Variants in VPS41 observed in about 807,000 individuals in gnomAD.
VPS41 encodes VPS41 subunit of HOPS complex, also known as vacuolar protein sorting-associated protein 41 homolog.
In VPS41, 85 loss-of-function variants were observed where a neutral mutation model predicts 130.9. The observed-to-expected ratio is 0.65, with a 90% CI of 0.55 to 0.78. The LOEUF (loss-of-function observed/expected upper bound fraction) is 0.78, where lower values mean the gene tolerates loss of function less well. VPS41 is among the 30% of genes least tolerant of loss of function. The pLI is 0.00. For synonymous variants in VPS41, 335 were observed against 332.9 expected, an observed-to-expected ratio of 1.01 and a Z score of -0.07; for missense variants, 874 against 1,018.7, an observed-to-expected ratio of 0.86 and a Z score of 1.93.
At chr7:38,874,089 C>A (rs1279446536) in intron 2 of VPS41, among the ~76,000 whole-genome samples, 1 of 152,058 alleles carries the variant, frequency 6.6e-6, no homozygotes, top group Non-Finnish European at 1.5e-5. Flanking sequence ...GTGTTTACAA[C>A]CAAAAATAAT....
chr7:38,792,848 TCCA>T (rs1250118933), intron 9 of VPS41, among the ~76,000 whole-genome samples: 1 of 151,582 alleles, frequency 6.6e-6, no homozygotes, highest in African/African-American at 2.4e-5. Context: ...ATCCCTCTCC[TCCA>T]CATCTGCTCC....
At chr7:38,903,652 G>A (rs1238789053) in intron 1 of VPS41, among the ~76,000 whole-genome samples, 1 of 152,186 alleles carries the variant, frequency 6.6e-6, no homozygotes, top group Non-Finnish European at 1.5e-5. Context: ...TGAGCATAAT[G>A]AGAAAGAGAG....
intron 14 of VPS41, among the ~76,000 whole-genome samples, chr7:38,769,814 A>C (rs1784119356): frequency 6.6e-6 from 1 of 152,180 alleles, no homozygotes; most frequent in African/African-American, 2.4e-5. Flanking sequence ...ATTGATCTCC[A>C]TCTCAGCTGG....
At chr7:38,860,208 G>A (rs1786075883) in intron 4 of VPS41, among the ~76,000 whole-genome samples, 1 of 152,164 alleles carries the variant, frequency 6.6e-6, no homozygotes, top group Non-Finnish European at 1.5e-5. Flanking sequence ...TTGAGTAGCA[G>A]AAAGGGGTTG....
chr7:38,895,320 TA>T (rs953323300), intron 2 of VPS41, among the ~76,000 whole-genome samples: 13 of 150,576 alleles, frequency 8.6e-5, no homozygotes, highest in South Asian at 6.3e-4. Context: ...AGACTTTGTC[TA>T]AAAAAAAATA....
chr7:38,811,993 CA>C (rs1350954857), intron 7 of VPS41, among the ~76,000 whole-genome samples: 1 of 151,988 alleles, frequency 6.6e-6, no homozygotes, highest in Non-Finnish European at 1.5e-5. Context: ...GTTCTGACTA[CA>C]ATTAAGGTAG....
chr7:38,854,708 T>C (rs1785940279), intron 4 of VPS41, among the ~76,000 whole-genome samples: 1 of 152,220 alleles, frequency 6.6e-6, no homozygotes, highest in African/African-American at 2.4e-5. Flanking sequence ...TTCTTATTTC[T>C]ATCAGTTCAC....
At chr7:38,832,319 C>CTTTTTTTTTTTTTTT (rs543207806) in intron 4 of VPS41, among the ~76,000 whole-genome samples, 15 of 114,732 alleles carry the variant, frequency 1.3e-4, no homozygotes, top group Non-Finnish European at 1.9e-4. Flanking sequence ...TTCTTTCTTT[C>CTTTTTTTTTTTTTTT]TTTTTTTTTT....
At chr7:38,904,250 C>T (rs1156753358) in intron 1 of VPS41, among the ~76,000 whole-genome samples, 1 of 152,152 alleles carries the variant, frequency 6.6e-6, no homozygotes, top group African/African-American at 2.4e-5. Flanking sequence ...AATGTGGGCG[C>T]GGCGGAGGCT....
At chr7:38,835,267 CTTAA>C (rs1458767739) in intron 4 of VPS41, among the ~76,000 whole-genome samples, 2 of 151,568 alleles carry the variant, frequency 1.3e-5, no homozygotes, top group East Asian at 3.9e-4. Flanking sequence ...ACTATTATTC[CTTAA>C]TTTTTTCCCT....
chr7:38,761,135 TC>T (rs1783902380), intron 17 of VPS41, among the ~76,000 whole-genome samples: 1 of 151,980 alleles, frequency 6.6e-6, no homozygotes, highest in South Asian at 2.1e-4. Flanking sequence ...CAAGTTTCTT[TC>T]TTTTCTTCCT....
intron 2 of VPS41, among the ~76,000 whole-genome samples, chr7:38,872,467 G>A (rs568967981): frequency 2.9e-4 from 44 of 152,308 alleles, no homozygotes; most frequent in African/African-American, 9.4e-4. Flanking sequence ...AGGCTATTTC[G>A]TGTCTACTGA....
At chr7:38,834,581 G>A (rs1461295805) in intron 4 of VPS41, among the ~76,000 whole-genome samples, 1 of 152,142 alleles carries the variant, frequency 6.6e-6, no homozygotes, top group South Asian at 2.1e-4. Context: ...ATTAGGAAGA[G>A]TCACATGGTT....
chr7:38,863,761 C>T (rs921083116), intron 3 of VPS41, among the ~76,000 whole-genome samples: 9 of 152,108 alleles, frequency 5.9e-5, no homozygotes, highest in South Asian at 2.1e-4. Flanking sequence ...CTAGGTATGA[C>T]GATTCCGCTG....
chr7:38,723,430 G>T lies in VPS41; in HGVS notation c.*2816C>A, dbSNP rs1175066296. The T allele has an allele frequency of 6.6e-6, 1 of 152,094 alleles. No individual in the cohort carries two copies. Among genetic ancestry groups the T allele is most frequent in the Non-Finnish European group, 1.5e-5 (1 of 68,014 alleles). The allele number at this position is 152,094 out of a possible 1,614,324, so 9.4% of individuals were successfully genotyped here. A position where few individuals can be genotyped will look rare whatever the true frequency, so the allele number is the denominator to read the frequency against. On this transcript the variant is annotated 3_prime_UTR_variant, in exon 29 of 29. Coordinates refer to ENST00000310301, the MANE Select transcript of VPS41 (RefSeq NM_014396.4). The stretch of plus-strand genomic sequence containing the variant: ...TGCACCTGGCTGTTTTACACTTCAA[G>T]AATAGCTTTCTTGGCTGGGCATGGT...
chr7:38,907,145 A>G (rs1344321018), intron 1 of VPS41, among the ~76,000 whole-genome samples: 1 of 152,200 alleles, frequency 6.6e-6, no homozygotes, highest in African/African-American at 2.4e-5. Context: ...GGGAAAAATA[A>G]TGCAGGAAGG....
chr7:38,795,477 C>T lies in VPS41; in HGVS notation c.705G>A (p.Gly235=). 1 of 1,611,368 alleles carries T rather than the reference C, an allele frequency of 6.2e-7. No homozygotes were observed. The highest frequency in any genetic ancestry group is 8.5e-7 in the Non-Finnish European group (1 of 1,178,582). ...CAAGCAAAACCACCTTGACAGAAGT[C>T]CCCCAGCCAATAATCAGTGTCACAT... ...KDNVTLIIGW[G]TSVKVCSVKE... is the part of the protein sequence containing the mutation. The change falls in exon 9 of 29, where the codon GGG becomes GGA. Residue 235 remains glycine, a synonymous_variant. Coordinates refer to ENST00000310301, the MANE Select transcript of VPS41 (RefSeq NM_014396.4).
At chr7:38,751,699 A>C (rs1178326409) in intron 22 of VPS41, among the ~76,000 whole-genome samples, 1 of 152,152 alleles carries the variant, frequency 6.6e-6, no homozygotes, top group African/African-American at 2.4e-5. Context: ...GATGTAGGAG[A>C]AACAAAGAAA....
At chr7:38,793,890 C>T (rs1248663128) in intron 9 of VPS41, among the ~76,000 whole-genome samples, 1 of 152,220 alleles carries the variant, frequency 6.6e-6, no homozygotes, top group East Asian at 1.9e-4. Context: ...TTAGGGCCCA[C>T]CCAGATAATG....
Sources: allele counts gnomAD v4.1 joint callset (sites outside exome capture counted in the v4.1 genomes callset), GRCh38; gene constraint gnomAD v4.1.1; transcripts MANE v1.5; gene names NCBI Gene and HGNC (gene_info 2026-07-23, HGNC 2026-07-21).